Variants in ADAMTSL1 observed in about 807,000 individuals in gnomAD.
The protein encoded by ADAMTSL1 is ADAMTS like 1, also known as ADAMTS-like protein 1.
ADAMTSL1 carries 126 observed loss-of-function variants against 201.8 expected under a neutral mutation model. The ratio of observed to expected loss-of-function variants is 0.62; its 90% confidence interval spans 0.54 to 0.72. The LOEUF is 0.72. ADAMTSL1 is among the 30% of genes least tolerant of loss of function. The probability of loss-of-function intolerance (pLI) is 0.00; values close to 1 mark genes in which losing one functional copy is unlikely to be tolerated. For synonymous variants in ADAMTSL1, 1,121 were observed against 903.4 expected (o/e 1.24, Z -4.32); for missense variants, 2,679 against 2,277.8 (o/e 1.18, Z -3.59).
At chr9:17,935,580 C>G (rs764882454) in intron 1 of ADAMTSL1, among the ~76,000 whole-genome samples, 14 of 152,128 alleles carry the variant, frequency 9.2e-5, no homozygotes, top group Non-Finnish European at 7.4e-5. Context: ...ATGCTTCTCC[C>G]AAAGCCATTG....
chr9:18,849,223 T>C (rs1300690937), intron 23 of ADAMTSL1, among the ~76,000 whole-genome samples: 1 of 152,200 alleles, frequency 6.6e-6, no homozygotes. Flanking sequence ...GGGCCTTGAC[T>C]TGGAAGGCCT....
At chr9:17,981,581 C>A (rs369207965) in intron 1 of ADAMTSL1, among the ~76,000 whole-genome samples, 1 of 152,248 alleles carries the variant, frequency 6.6e-6, no homozygotes, top group African/African-American at 2.4e-5. Context: ...CTAGGATGAA[C>A]GTGTCCTTCT....
In ADAMTSL1 at chr9:18,023,844, C is replaced by T. The variant is rs532424986; in HGVS notation, c.87+116922C>T. Reference sequence around the variant, plus strand: ...ATGATCTTGGCAAAATATAGCAATGCAGAGAATTCAGGAGAAAATAGTTTG... The same window carrying T: ...ATGATCTTGGCAAAATATAGCAATGTAGAGAATTCAGGAGAAAATAGTTTG... On this transcript the variant is annotated intron_variant, in intron 1 of 29. Coordinates refer to the ADAMTSL1 transcript ENST00000680146. Among the ~76,000 whole-genome samples the T allele has an allele frequency of 5.9e-5, 9 of 152,186 alleles. No homozygotes were observed. In the South Asian group the frequency reaches 1.9e-3, roughly 32 times the overall value.
chr9:18,332,988 C>T (rs935107430), intron 2 of ADAMTSL1, among the ~76,000 whole-genome samples: 4 of 152,150 alleles, frequency 2.6e-5, no homozygotes, highest in African/African-American at 7.2e-5. Context: ...AGCACCCAAC[C>T]ATTGTTGGCA....
intron 21 of ADAMTSL1, among the ~76,000 whole-genome samples, chr9:18,821,008 C>A (rs1177650599): frequency 6.6e-6 from 1 of 152,132 alleles, no homozygotes; most frequent in Admixed American, 6.5e-5. Context: ...GCATATGAGG[C>A]TGAGGAGGTG....
chr9:18,236,156 C>T (rs867353961), intron 2 of ADAMTSL1, among the ~76,000 whole-genome samples: 10 of 152,250 alleles, frequency 6.6e-5, no homozygotes, highest in East Asian at 1.9e-4. Flanking sequence ...CTGCAACCTC[C>T]GCCTCCCAGG....
chr9:18,310,802 C>T (rs190303978), intron 2 of ADAMTSL1, among the ~76,000 whole-genome samples: 6,310 of 152,158 alleles, frequency 0.041, 446 homozygotes, highest in African/African-American at 0.14. Context: ...GTGGCAATTC[C>T]TCAAGGATCT....
chr9:18,406,736 T>C (rs1196172970), intron 2 of ADAMTSL1, among the ~76,000 whole-genome samples: 1 of 152,230 alleles, frequency 6.6e-6, no homozygotes, highest in Non-Finnish European at 1.5e-5. Context: ...TAATATTATC[T>C]ATTGTATTCT....
intron 2 of ADAMTSL1, among the ~76,000 whole-genome samples, chr9:18,387,667 A>T (rs1837860803): frequency 6.6e-6 from 1 of 151,978 alleles, no homozygotes; most frequent in African/African-American, 2.4e-5. Context: ...ATTGATTTTG[A>T]ATTTAATTGC....
At chr9:18,112,410 T>A (rs1431485722) in intron 1 of ADAMTSL1, among the ~76,000 whole-genome samples, 1 of 152,074 alleles carries the variant, frequency 6.6e-6, no homozygotes, top group Non-Finnish European at 1.5e-5. Context: ...TCCATACAGA[T>A]TCTCAGAGAT....
chr9:17,978,055 A>T (rs1818525875), intron 1 of ADAMTSL1, among the ~76,000 whole-genome samples: 1 of 151,992 alleles, frequency 6.6e-6, no homozygotes, highest in African/African-American at 2.4e-5. Flanking sequence ...ATTATATGTG[A>T]ACTTCTATGT....
At chr9:18,099,566 T>C (rs1245542093) in intron 1 of ADAMTSL1, among the ~76,000 whole-genome samples, 1 of 150,940 alleles carries the variant, frequency 6.6e-6, no homozygotes, top group Non-Finnish European at 1.5e-5. Flanking sequence ...AAATTTTTTT[T>C]ACCTGTCTTC....
At chr9:18,136,554 A>G (rs1251543498) in intron 1 of ADAMTSL1, among the ~76,000 whole-genome samples, 1 of 152,110 alleles carries the variant, frequency 6.6e-6, no homozygotes, top group East Asian at 1.9e-4. Context: ...TCACACCGCT[A>G]TGGCACAGGA....
At chr9:18,768,262 C>T (rs753065417) in intron 16 of ADAMTSL1, among the ~76,000 whole-genome samples, 5 of 152,146 alleles carry the variant, frequency 3.3e-5, no homozygotes, top group Non-Finnish European at 7.4e-5. Context: ...GTCACACTAC[C>T]CTCCATTGGG....
rs552615099 is a variant in ADAMTSL1, at chr9:18,815,259, A to G, written c.3806-1850A>G. On this transcript the variant is annotated intron_variant, in intron 20 of 28. Coordinates refer to ENST00000380548, the MANE Select transcript of ADAMTSL1 (RefSeq NM_001040272.6). ...TAATCAAAGTGATATCTGCACTCCA[A>G]TATTTACTGCAGCACTATTCACAAT... 5.1e-4 allele frequency among the ~76,000 whole-genome samples: 77 copies of G among 152,142 alleles called. 1 individual carries two copies. The highest frequency in any genetic ancestry group is 9.3e-4 in the Non-Finnish European group (63 of 68,024).
intron 4 of ADAMTSL1, among the ~76,000 whole-genome samples, chr9:18,584,329 T>C (rs1018186884): frequency 6.6e-6 from 1 of 151,518 alleles, no homozygotes; most frequent in Admixed American, 6.6e-5. Flanking sequence ...TCTGCCACCA[T>C]GTGAGATGTC....
chr9:18,777,150 C>T lies in ADAMTSL1; in HGVS notation c.2921C>T (p.Pro974Leu), dbSNP rs768095633. The change falls in exon 19 of 29, where the codon CCG becomes CTG. Residue 974 changes from proline (P) to leucine (L), a missense_variant. By Grantham distance (98) the Pro-to-Leu change is moderately conservative. Coordinates refer to ENST00000380548, the MANE Select transcript of ADAMTSL1 (RefSeq NM_001040272.6). ...AAGCTCGTGGCCCGGCCCTTGAGCC[C>T]GAGAAGTGAGGAAGAGGTGCTTGCG... ...NRKLVARPLS[P>L]RSEEEVLAGR... 8.1e-6 allele frequency: 13 copies of T among 1,612,858 alleles called. No individual in the cohort carries two copies. The highest frequency in any genetic ancestry group is 2.2e-5 in the South Asian group (2 of 91,078).
intron 2 of ADAMTSL1, among the ~76,000 whole-genome samples, chr9:18,512,469 C>T (rs1180590725): frequency 6.6e-6 from 1 of 151,818 alleles, no homozygotes; most frequent in East Asian, 1.9e-4. Flanking sequence ...GTGATTTGTT[C>T]AGTAGCCCTT....
At chr9:18,430,207 C>T (rs897692196) in intron 2 of ADAMTSL1, among the ~76,000 whole-genome samples, 2 of 152,142 alleles carry the variant, frequency 1.3e-5, no homozygotes, top group Admixed American at 6.6e-5. Context: ...CCTGAGATTG[C>T]GCATTCTTAA....
Sources: allele counts gnomAD v4.1 joint callset (sites outside exome capture counted in the v4.1 genomes callset), GRCh38; gene constraint gnomAD v4.1.1; transcripts MANE v1.5; gene names NCBI Gene and HGNC (gene_info 2026-07-23, HGNC 2026-07-21).